The following CUX2 variants were observed in gnomAD, a reference collection of about 807,000 sequenced individuals.
CUX2 encodes homeobox protein cut-like 2.
Under a neutral mutation model 144.8 loss-of-function variants are expected in CUX2, and 40 were observed. The observed-to-expected ratio is 0.28, with a 90% CI of 0.21 to 0.36. The LOEUF (loss-of-function observed/expected upper bound fraction) is 0.36, where lower values mean the gene tolerates loss of function less well. Among genes scored for constraint, CUX2 ranks in the 10% least tolerant of loss-of-function variants. The pLI is 1.00. For synonymous variants in CUX2, 827 were observed against 875.6 expected, an observed-to-expected ratio of 0.94 and a Z score of 0.98; for missense variants, 1,615 against 1,994.0, an observed-to-expected ratio of 0.81 and a Z score of 3.62.
chr12:111,045,509 C>G (rs1231137778), intron 1 of CUX2, among the ~76,000 whole-genome samples: 1 of 152,206 alleles, frequency 6.6e-6, no homozygotes, highest in African/African-American at 2.4e-5. Flanking sequence ...TAGAAAGTGA[C>G]AGCTCCATAT....
At chr12:111,279,816 T>C (rs1320398402) in intron 4 of CUX2, among the ~76,000 whole-genome samples, 2 of 152,202 alleles carry the variant, frequency 1.3e-5, no homozygotes, top group African/African-American at 2.4e-5. Context: ...ACCCCTTCTC[T>C]ATTAAAGATA....
At chr12:111,120,426 C>T (rs766293761) in intron 1 of CUX2, among the ~76,000 whole-genome samples, 7 of 152,162 alleles carry the variant, frequency 4.6e-5, no homozygotes, top group South Asian at 4.2e-4. Flanking sequence ...CACAAATAGC[C>T]GGGCTTCAGC....
At chr12:111,256,106 C>T (rs1883803767) in intron 3 of CUX2, among the ~76,000 whole-genome samples, 1 of 152,090 alleles carries the variant, frequency 6.6e-6, no homozygotes, top group African/African-American at 2.4e-5. Flanking sequence ...CTCGGCCCTG[C>T]TTCATGGCTT....
intron 2 of CUX2, 98 bp from the exon 3 acceptor site, chr12:111,217,792 G>A: frequency 7.7e-7 from 1 of 1,293,074 alleles, no homozygotes; most frequent in South Asian, 1.2e-5. Context: ...GACATGCTTG[G>A]GAAATGCTGA....
rs77529128 is a variant in CUX2, at chr12:111,143,053, T to G, written c.64-71147T>G. Among the ~76,000 whole-genome samples, 12 of 152,314 alleles carry G rather than the reference T, an allele frequency of 7.9e-5. 1 individual carries two copies. In the East Asian group the frequency reaches 2.3e-3, roughly 29 times the overall value. Reference sequence around the variant, plus strand: ...GACTTCCTCCTTCTCTCTCTACAAATGCCCACTGTCTTTGCACTTTGTGCC... The same window carrying G: ...GACTTCCTCCTTCTCTCTCTACAAAGGCCCACTGTCTTTGCACTTTGTGCC... On this transcript the variant is annotated intron_variant, in intron 1 of 21. Transcript: ENST00000261726.
intron 1 of CUX2, among the ~76,000 whole-genome samples, chr12:111,182,537 G>C (rs1444441989): frequency 6.6e-6 from 1 of 152,248 alleles, no homozygotes. Context: ...GGCTGAGACT[G>C]ACAATTCATT....
chr12:111,087,366 C>CAAAAAAAAA (rs1159500448), intron 1 of CUX2, among the ~76,000 whole-genome samples: 490 of 44,652 alleles, frequency 0.011, no homozygotes, highest in Non-Finnish European at 0.019. Flanking sequence ...GACTCCATCT[C>CAAAAAAAAA]AAAAAAAAAA....
chr12:111,185,872 G>T (rs1215147305), intron 1 of CUX2, among the ~76,000 whole-genome samples: 1 of 152,082 alleles, frequency 6.6e-6, no homozygotes, highest in East Asian at 1.9e-4. Context: ...TGTAGGAGCT[G>T]CTAGGCAGTA....
At chr12:111,185,493 G>A (rs911979914) in intron 1 of CUX2, among the ~76,000 whole-genome samples, 4 of 152,224 alleles carry the variant, frequency 2.6e-5, no homozygotes, top group African/African-American at 9.6e-5. Flanking sequence ...AAACCGCTGA[G>A]CCAGCCTGCG....
At chr12:111,218,114 G>A (rs181196301) in intron 3 of CUX2, among the ~76,000 whole-genome samples, 177 bp downstream of exon 3, 173 of 152,280 alleles carry the variant, frequency 1.1e-3, no homozygotes, top group Middle Eastern at 3.4e-3. Flanking sequence ...GTATAGTAAT[G>A]AGAATTGGTT....
At chr12:111,124,911 A>G (rs1028355592) in intron 1 of CUX2, among the ~76,000 whole-genome samples, 1 of 152,026 alleles carries the variant, frequency 6.6e-6, no homozygotes, top group South Asian at 2.1e-4. Context: ...TTCTGTTCCT[A>G]TGTTAGTTTG....
chr12:111,072,021 T>C (rs2136031347), intron 1 of CUX2, among the ~76,000 whole-genome samples: 1 of 152,344 alleles, frequency 6.6e-6, no homozygotes, highest in East Asian at 1.9e-4. Flanking sequence ...ACTGTAGCTT[T>C]ATAGTAAGTC....
At chr12:111,292,459 T>A (rs1407076069) in intron 5 of CUX2, among the ~76,000 whole-genome samples, 2 of 152,082 alleles carry the variant, frequency 1.3e-5, no homozygotes, top group South Asian at 2.1e-4. Flanking sequence ...GTTTGGTGGC[T>A]CACACCTGTA....
At chr12:111,292,220 T>C (rs536585877) in intron 5 of CUX2, among the ~76,000 whole-genome samples, 1 of 152,170 alleles carries the variant, frequency 6.6e-6, no homozygotes, top group East Asian at 1.9e-4. Context: ...ACAAATAAAA[T>C]ATCCATAGAA....
intron 1 of CUX2, among the ~76,000 whole-genome samples, chr12:111,198,474 CA>C (rs1462714448): frequency 2.3e-3 from 277 of 122,588 alleles, no homozygotes; most frequent in Admixed American, 4.8e-3. Context: ...GACCCTGTCT[CA>C]AAAAAAAAAA....
Position 111,308,452 on chromosome 12 carries a change from T to C in CUX2, c.1184T>C (p.Leu395Pro), listed in dbSNP as rs755179620. 2 of 1,614,156 alleles carry C rather than the reference T, an allele frequency of 1.2e-6. No individual in the cohort carries two copies. Among genetic ancestry groups the C allele is most frequent in the South Asian group, 1.1e-5 (1 of 91,086 alleles). The change falls in exon 14 of 22, where the codon CTG becomes CCG. Residue 395 changes from leucine (L) to proline (P), a missense_variant. Physicochemically the swap from Leu to Pro is moderately conservative, Grantham distance 98 (BLOSUM62 -3). Around this residue, in one of 12 missense-constraint regions of CUX2, gnomAD observed 57 missense variants for 60.8 expected, o/e 0.94. Transcript: ENST00000261726. Reference sequence around the variant, plus strand: ...GGCATGGCCAAGCCTGAAGACTCACTGCTTATTGCAAAGGAGGCCTTCTTC... The same window carrying C: ...GGCATGGCCAAGCCTGAAGACTCACCGCTTATTGCAAAGGAGGCCTTCTTC... ...PQGMAKPEDS[L>P]LIAKEAFFPT... is the part of the protein sequence containing the mutation.
intron 16 of CUX2, among the ~76,000 whole-genome samples, chr12:111,314,665 A>C (rs1365711957): frequency 2.2e-4 from 16 of 74,412 alleles, no homozygotes; most frequent in Non-Finnish European, 1.8e-4. Context: ...AAAAAAAAAA[A>C]AAACCCCATC....
chr12:111,345,635 G>A (rs1338643669), intron 21 of CUX2, among the ~76,000 whole-genome samples: 6 of 151,388 alleles, frequency 4.0e-5, no homozygotes, highest in Admixed American at 2.0e-4. Flanking sequence ...CCAGCTACTC[G>A]GGAGGCTGAG....
rs113891307 is a variant in CUX2, at chr12:111,198,811, G to A, written c.64-15389G>A. Reference sequence around the variant, plus strand: ...AATGCCCTGAGGTGAGAAAGAGGCTGGCTCATCGGAGGCCCAGGAGCAGCA... The same window carrying A: ...AATGCCCTGAGGTGAGAAAGAGGCTAGCTCATCGGAGGCCCAGGAGCAGCA... On this transcript the variant is annotated intron_variant, in intron 1 of 21. Transcript: ENST00000261726. Among the ~76,000 whole-genome samples, 624 of 152,324 alleles carry A rather than the reference G, an allele frequency of 4.1e-3. 2 individuals carry two copies. The highest frequency in any genetic ancestry group is 7.4e-3 in the Non-Finnish European group (503 of 68,042).
Sources: allele counts gnomAD v4.1 joint callset (sites outside exome capture counted in the v4.1 genomes callset), GRCh38; gene constraint gnomAD v4.1.1; regional missense constraint gnomAD v4.1.1; transcripts MANE v1.5; gene names NCBI Gene and HGNC (gene_info 2026-07-23, HGNC 2026-07-21).